The following WDFY1 variants were observed in gnomAD, a reference collection of about 807,000 sequenced individuals.
WDFY1 encodes WD repeat and FYVE domain containing 1, also known as WD repeat and FYVE domain-containing protein 1.
Under a neutral mutation model 56.4 loss-of-function variants are expected in WDFY1, and 32 were observed. That is an observed-to-expected ratio of 0.57 (90% CI 0.43 to 0.76). The LOEUF is 0.76. WDFY1 is among the 30% of genes least tolerant of loss of function. The probability of loss-of-function intolerance (pLI) is 0.00; values close to 1 mark genes in which losing one functional copy is unlikely to be tolerated. For missense variants in WDFY1, 480 were observed against 545.7 expected, an observed-to-expected ratio of 0.88 and a Z score of 1.20; for synonymous variants, 192 against 197.3, an observed-to-expected ratio of 0.97 and a Z score of 0.23.
intron 1 of WDFY1, among the ~76,000 whole-genome samples, chr2:223,924,557 T>C (rs1458258213): frequency 1.3e-5 from 2 of 152,220 alleles, no homozygotes; most frequent in Admixed American, 1.3e-4. Context: ...ACAGACAGGG[T>C]TTCACCATGT....
At chr2:223,902,805 C>T (rs541371600) in intron 4 of WDFY1, among the ~76,000 whole-genome samples, 40 of 150,194 alleles carry the variant, frequency 2.7e-4, no homozygotes, top group Middle Eastern at 3.6e-3. Flanking sequence ...TATTAATATA[C>T]GCCTAAAGTC....
intron 10 of WDFY1, among the ~76,000 whole-genome samples, chr2:223,880,805 A>AC (rs1248732184): frequency 9.2e-5 from 14 of 152,066 alleles, no homozygotes; most frequent in African/African-American, 3.4e-4. Context: ...ATTCCTAGAT[A>AC]TAAAAACAAG....
At chr2:223,891,561 A>G (rs1305329757) in intron 8 of WDFY1, among the ~76,000 whole-genome samples, 1 of 152,086 alleles carries the variant, frequency 6.6e-6, no homozygotes, top group African/African-American at 2.4e-5. Flanking sequence ...GACGCAGTGA[A>G]TTGTGCACAC....
rs551301743 is a variant in WDFY1, at chr2:223,913,297, G to T, written c.206-971C>A. Among the ~76,000 whole-genome samples the T allele has an allele frequency of 1.8e-4, 27 of 151,940 alleles. No individual in the cohort carries two copies. The South Asian group carries it at 5.4e-3, about 30-fold the overall frequency. On this transcript the variant is annotated intron_variant, in intron 2 of 11. Coordinates refer to ENST00000233055, the MANE Select transcript of WDFY1 (RefSeq NM_020830.5). Reference sequence around the variant, plus strand: ...AATATAAAGTTCTCTCTCTCTAGTAGGGTGATATCCTCACCAAAGGAAGGA... The same window carrying T: ...AATATAAAGTTCTCTCTCTCTAGTATGGTGATATCCTCACCAAAGGAAGGA...
intron 4 of WDFY1, among the ~76,000 whole-genome samples, chr2:223,903,811 G>C (rs1385148246): frequency 6.6e-6 from 1 of 151,786 alleles, no homozygotes; most frequent in East Asian, 1.9e-4. Context: ...CACCATGGCT[G>C]GCTACATTTT....
At chr2:223,923,345 C>G (rs1693921766) in intron 1 of WDFY1, among the ~76,000 whole-genome samples, 1 of 152,050 alleles carries the variant, frequency 6.6e-6, no homozygotes, top group African/African-American at 2.4e-5. Flanking sequence ...TTAAGTTGGG[C>G]CACTTATTTA....
chr2:223,877,122 G>C lies in WDFY1; in HGVS notation c.*1549C>G, dbSNP rs189846435. 1.4e-3 allele frequency: 217 copies of C among 152,224 alleles called. 2 individuals carry two copies. The highest frequency in any genetic ancestry group is 6.8e-3 in the Middle Eastern group (2 of 294). The allele number at this position is 152,224 out of a possible 1,614,324, so 9.4% of individuals were successfully genotyped here. Reference sequence around the variant, plus strand: ...CAGATCATTCCAGTACATGATGTGCGTGACCCCCTTTCCTTTCCTTACGTG... The same window carrying C: ...CAGATCATTCCAGTACATGATGTGCCTGACCCCCTTTCCTTTCCTTACGTG... On this transcript the variant is annotated 3_prime_UTR_variant, in exon 12 of 12. Coordinates refer to ENST00000233055, the MANE Select transcript of WDFY1 (RefSeq NM_020830.5).
chr2:223,890,613 G>A (rs1395563639), intron 8 of WDFY1, among the ~76,000 whole-genome samples: 1 of 152,140 alleles, frequency 6.6e-6, no homozygotes, highest in Non-Finnish European at 1.5e-5. Context: ...TTCGTTTTGT[G>A]CTGAGAAGAG....
chr2:223,928,401 G>A (rs1296740948), intron 1 of WDFY1, among the ~76,000 whole-genome samples: 5 of 152,274 alleles, frequency 3.3e-5, no homozygotes, highest in Non-Finnish European at 2.9e-5. Context: ...GGGAGGAGAA[G>A]AGAACCCACC....
intron 1 of WDFY1, among the ~76,000 whole-genome samples, chr2:223,931,459 A>G (rs1232857342): frequency 2.0e-5 from 3 of 152,214 alleles, no homozygotes; most frequent in East Asian, 3.8e-4. Context: ...GATGATCATA[A>G]TAAGTAGAAG....
At chr2:223,898,904 A>T (rs1693448709) in intron 6 of WDFY1, 54 bp downstream of exon 6, 1 of 1,368,482 alleles carries the variant, frequency 7.3e-7, no homozygotes, top group Non-Finnish European at 1.0e-6. Flanking sequence ...TAGAGAACTG[A>T]ATTTGGATGT....
At chr2:223,941,073 C>T (rs531681940) in intron 1 of WDFY1, among the ~76,000 whole-genome samples, 5 of 152,162 alleles carry the variant, frequency 3.3e-5, no homozygotes, top group South Asian at 4.2e-4. Flanking sequence ...CCACCCGCCT[C>T]GGCCTCCCAA....
At chr2:223,912,197 CAATATAAAGAATAT>C (rs1693716144) in intron 3 of WDFY1, 42 bp downstream of exon 3, 4 of 1,512,650 alleles carry the variant, frequency 2.6e-6, no homozygotes, top group Admixed American at 4.2e-5. Flanking sequence ...CATGGGAGGT[CAATATAAAGAATAT>C]AATATAAAGA....
intron 5 of WDFY1, 109 bp from the exon 6 acceptor site, chr2:223,899,179 T>C (rs1166302979): frequency 1.2e-6 from 1 of 828,228 alleles, no homozygotes; most frequent in Admixed American, 2.0e-5. Context: ...AAACATGCAT[T>C]TTAAAGAGAA....
intron 1 of WDFY1, among the ~76,000 whole-genome samples, chr2:223,933,904 G>T (rs1694123503): frequency 7.6e-6 from 1 of 130,820 alleles, no homozygotes; most frequent in African/African-American, 2.9e-5. Context: ...GGAGGCTACA[G>T]TGAGCTCTGA....
In WDFY1 at chr2:223,878,657, G is replaced by A. The variant is rs767713101; in HGVS notation, c.*14C>T. ...GCTGCTGTTCTTAGGTGTGGACGCC[G>A]CCCAGCTCTCAGATCAGTGCGGAGA... is the stretch of plus-strand genomic sequence containing the variant. On this transcript the variant is annotated 3_prime_UTR_variant, in exon 12 of 12. Transcript: ENST00000233055. 26 of 1,608,134 alleles carry A rather than the reference G, an allele frequency of 1.6e-5. No homozygotes were observed. The highest frequency in any genetic ancestry group is 1.7e-4 in the Middle Eastern group (1 of 6,046).
In WDFY1 at chr2:223,918,900, C is replaced by T. The variant is rs539546120; in HGVS notation, c.138-890G>A. Among the ~76,000 whole-genome samples the T allele has an allele frequency of 1.8e-4, 27 of 152,288 alleles. No individual in the cohort carries two copies. The South Asian group carries it at 5.6e-3, about 32-fold the overall frequency. On this transcript the variant is annotated intron_variant, in intron 1 of 11. Coordinates refer to ENST00000233055, the MANE Select transcript of WDFY1 (RefSeq NM_020830.5). ...CCCCAGAGGAAATCATTCCACACCA[C>T]ATCTCTGGGGCCCTCTTTCATCGGA...
intron 1 of WDFY1, among the ~76,000 whole-genome samples, chr2:223,919,429 A>C (rs935101548): frequency 6.6e-6 from 1 of 152,176 alleles, no homozygotes; most frequent in Non-Finnish European, 1.5e-5. Context: ...CAGGCTGGTC[A>C]CTAACTCCTG....
intron 2 of WDFY1, among the ~76,000 whole-genome samples, chr2:223,916,563 C>A (rs74857391): frequency 0.011 from 1,735 of 152,236 alleles, 28 homozygotes; most frequent in African/African-American, 0.04. Flanking sequence ...AAACCCTTAA[C>A]TGAAGAAAAT....
Sources: allele counts gnomAD v4.1 joint callset (sites outside exome capture counted in the v4.1 genomes callset), GRCh38; gene constraint gnomAD v4.1.1; transcripts MANE v1.5; gene names NCBI Gene and HGNC (gene_info 2026-07-23, HGNC 2026-07-21).